PFKFB3: variants seen among roughly 807,000 people sequenced by gnomAD.
The protein encoded by PFKFB3 is 6-phosphofructo-2-kinase/fructose-2,6-biphosphatase 3.
In PFKFB3, 33 loss-of-function variants were observed where a neutral mutation model predicts 68.0. The ratio of observed to expected loss-of-function variants is 0.49; its 90% confidence interval spans 0.37 to 0.65. The LOEUF is 0.65. Ranked by LOEUF, PFKFB3 falls within the 30% of genes least tolerant of loss-of-function variation. The probability of loss-of-function intolerance (pLI) is 0.00; values close to 1 mark genes in which losing one functional copy is unlikely to be tolerated. For missense variants in PFKFB3, 586 were observed against 712.2 expected (o/e 0.82, Z 2.02); for synonymous variants, 315 against 288.2 (o/e 1.09, Z -0.94).
intron 1 of PFKFB3, among the ~76,000 whole-genome samples, chr10:6,186,520 A>G (rs912480329): frequency 3.3e-5 from 5 of 152,234 alleles, no homozygotes; most frequent in Non-Finnish European, 5.9e-5. Context: ...TACTATTACT[A>G]CATGCTATTT....
At chr10:6,188,232 T>G (rs1031904063) in intron 1 of PFKFB3, among the ~76,000 whole-genome samples, 6 of 151,986 alleles carry the variant, frequency 3.9e-5, no homozygotes, top group Non-Finnish European at 8.8e-5. Context: ...GTATCATGAT[T>G]GAAATCAGGA....
chr10:6,262,019 CAAAAA>C, the PFKFB3 span, among the ~76,000 whole-genome samples: 2 of 144,702 alleles, frequency 1.4e-5, no homozygotes, highest in African/African-American at 5.1e-5. Context: ...AAACAAAAAA[CAAAAA>C]AAAAAACACA....
At chr10:6,255,868 C>A (rs1162298278), downstream of PFKFB3, among the ~76,000 whole-genome samples, 1 of 152,194 alleles carries the variant, frequency 6.6e-6, no homozygotes, top group East Asian at 1.9e-4. Context: ...CAGCAGCATT[C>A]TATCATCATT....
chr10:6,265,624 C>T, the PFKFB3 span, among the ~76,000 whole-genome samples: 1 of 152,064 alleles, frequency 6.6e-6, no homozygotes, highest in African/African-American at 2.4e-5. Context: ...GACCACCTGC[C>T]CAAGGTATTG....
chr10:6,168,521 C>T (rs1842205548), intron 1 of PFKFB3, among the ~76,000 whole-genome samples: 1 of 152,228 alleles, frequency 6.6e-6, no homozygotes, highest in Non-Finnish European at 1.5e-5. Flanking sequence ...CAAAAGGCTT[C>T]TACATGGCCT....
chr10:6,187,006 T>C (rs564344849), intron 1 of PFKFB3, among the ~76,000 whole-genome samples: 1 of 152,048 alleles, frequency 6.6e-6, no homozygotes, highest in African/African-American at 2.4e-5. Context: ...CCGCCACGAC[T>C]GAAGCTGGCA....
chr10:6,222,836 C>T lies in PFKFB3; in HGVS notation c.1084-19C>T. ...CCCGAGTGCCCTGAGCTCACGTGGG[C>T]CCGGCCCTCTGTGCTCAGTCCTACC... On this transcript the variant is annotated intron_variant, in intron 10 of 14. Coordinates refer to ENST00000379775, the MANE Select transcript of PFKFB3 (RefSeq NM_004566.4). 1.2e-6 allele frequency: 2 copies of T among 1,606,762 alleles called. No homozygotes were observed. Among genetic ancestry groups the T allele is most frequent in the East Asian group, 2.2e-5 (1 of 44,692 alleles).
At chr10:6,323,854 C>G in the PFKFB3 span, among the ~76,000 whole-genome samples, 1 of 152,126 alleles carries the variant, frequency 6.6e-6, no homozygotes, top group African/African-American at 2.4e-5. Context: ...GATGGTGGTT[C>G]CTTAAAAATG....
rs562362790 is a variant in PFKFB3 at position 6,205,101 on chromosome 10, G to A, written c.76+1765G>A. Among the ~76,000 whole-genome samples, 10 of 152,352 alleles carry A rather than the reference G, an allele frequency of 6.6e-5. No individual in the cohort carries two copies. The South Asian group carries it at 1.9e-3, about 28-fold the overall frequency. ...AGAATCATTCAGAGCTGGAGGGTGG[G>A]AATTTGGCTAAAGCCAATGGATTAA... On this transcript the variant is annotated intron_variant, in intron 1 of 14. Transcript: ENST00000379775.
intron 14 of PFKFB3, 135 bp downstream of exon 14, chr10:6,226,500 G>C (rs1588531704): frequency 5.2e-6 from 4 of 776,590 alleles, no homozygotes; most frequent in South Asian, 3.6e-5. Context: ...TATGTTGTAG[G>C]TGTCTGTGCA....
the PFKFB3 span, among the ~76,000 whole-genome samples, chr10:6,308,239 G>A: frequency 5.3e-5 from 8 of 152,188 alleles, no homozygotes; most frequent in Admixed American, 1.3e-4. Context: ...AAGGCCAGGT[G>A]CGGTGGCTCA....
At chr10:6,322,304 T>C in the PFKFB3 span, among the ~76,000 whole-genome samples, 6 of 152,170 alleles carry the variant, frequency 3.9e-5, no homozygotes, top group African/African-American at 1.4e-4. Flanking sequence ...GCGACCTCCA[T>C]GGATTCCACC....
At chr10:6,245,489 T>G (rs1394654030) in intron 14 of PFKFB3, among the ~76,000 whole-genome samples, 1 of 151,966 alleles carries the variant, frequency 6.6e-6, no homozygotes, top group East Asian at 1.9e-4. Context: ...CGATCAGGGC[T>G]CACTGCAGTC....
intron 1 of PFKFB3, among the ~76,000 whole-genome samples, chr10:6,157,521 C>T (rs545963963): frequency 7.6e-4 from 116 of 152,304 alleles, no homozygotes; most frequent in African/African-American, 2.8e-3. Context: ...CCACGGCGCC[C>T]AGCCAATAGT....
At chr10:6,169,769 A>C (rs12573767) in intron 1 of PFKFB3, among the ~76,000 whole-genome samples, 1,652 of 152,246 alleles carry the variant, frequency 0.011, 69 homozygotes, top group East Asian at 0.1. Flanking sequence ...TGAGCTCTAT[A>C]TATGGGAGTG....
At chr10:6,305,005 A>T in the PFKFB3 span, among the ~76,000 whole-genome samples, 14 of 14,508 alleles carry the variant, frequency 9.6e-4, no homozygotes, top group African/African-American at 1.6e-3. Context: ...AATATTAGGA[A>T]TTTTTTTTTT....
intron 14 of PFKFB3, chr10:6,254,153 C>A (rs891047616): frequency 1.0e-5 from 4 of 385,766 alleles, no homozygotes; most frequent in African/African-American, 6.6e-5. Context: ...TCAATCTAAT[C>A]CACAATGTAC....
chr10:6,186,093 T>C (rs1184899985), intron 1 of PFKFB3, among the ~76,000 whole-genome samples: 1 of 152,170 alleles, frequency 6.6e-6, no homozygotes, highest in Non-Finnish European at 1.5e-5. Context: ...TGATTGGTGG[T>C]GTTTTCGGTG....
rs1199028342 is a variant in PFKFB3 at position 6,233,394 on chromosome 10, A to G, written c.*452A>G. ...GGCTCCTAGTTGCTGAAAGTTAAGG[A>G]ATGTGTAAAACCTCCACGTGACTGT... On this transcript the variant is annotated 3_prime_UTR_variant, in exon 15 of 15. Coordinates refer to ENST00000379775, the MANE Select transcript of PFKFB3 (RefSeq NM_004566.4). The G allele has an allele frequency of 1.3e-5, 2 of 157,382 alleles. No individual in the cohort carries two copies. The highest frequency in any genetic ancestry group is 4.8e-5 in the African/African-American group (2 of 41,630). 9.7% of individuals were successfully genotyped at this position (157,382 alleles called of 1,614,324 possible).
Sources: gnomAD v4.1 joint callset for allele counts (sites outside exome capture counted in the v4.1 genomes callset) on GRCh38, gnomAD v4.1.1 for gene constraint, MANE v1.5 for transcripts, NCBI Gene and HGNC (gene_info 2026-07-23, HGNC 2026-07-21) for gene names.